The following FMN1 variants were observed in gnomAD, a reference collection of about 807,000 sequenced individuals.
The protein encoded by FMN1 is formin-1.
FMN1 carries 110 observed loss-of-function variants against 132.4 expected under a neutral mutation model. The ratio of observed to expected loss-of-function variants is 0.83; its 90% CI spans 0.71 to 0.97. The LOEUF is 0.97. Among genes scored for constraint, FMN1 ranks in the 50% least tolerant of loss-of-function variants. The pLI, the probability that FMN1 is intolerant of heterozygous loss-of-function variation, is 0.00. For missense variants in FMN1, 1,792 were observed against 1,705.3 expected (o/e 1.05, Z -0.90); for synonymous variants, 722 against 651.7 (o/e 1.11, Z -1.64).
In FMN1 at chr15:33,114,848, ACT is replaced by A. The variant is rs531124853; in HGVS notation, c.1868-25876_1868-25875del. On this transcript the variant is annotated intron_variant, in intron 4 of 20. Transcript: ENST00000616417. ...TAAGATCTTTGACTTCTGGAAATTAACTTTTTTCCCCTCCCTTATTTTGCCTA... is the reference window on the plus strand; with the variant it reads ...TAAGATCTTTGACTTCTGGAAATTAATTTTTCCCCTCCCTTATTTTGCCTA... Among the ~76,000 whole-genome samples, 586 of 152,344 alleles carry A rather than the reference ACT, an allele frequency of 3.8e-3. 4 individuals carry two copies. The highest frequency in any genetic ancestry group is 0.013 in the African/African-American group (534 of 41,576).
intron 4 of FMN1, among the ~76,000 whole-genome samples, chr15:33,094,807 T>C (rs990087525): frequency 3.9e-5 from 6 of 152,216 alleles, no homozygotes; most frequent in Non-Finnish European, 7.3e-5. Flanking sequence ...AGGAAACTTA[T>C]GTGTGGCCAT....
intron 7 of FMN1, among the ~76,000 whole-genome samples, chr15:32,981,563 T>TTAC (rs1186893299): frequency 2.0e-4 from 29 of 147,214 alleles, no homozygotes; most frequent in African/African-American, 6.8e-4. Flanking sequence ...ATTATTATTA[T>TTAC]TACATTCTGT....
intron 6 of FMN1, among the ~76,000 whole-genome samples, chr15:33,052,589 C>G (rs1292474622): frequency 1.3e-5 from 2 of 152,188 alleles, no homozygotes; most frequent in African/African-American, 4.8e-5. Context: ...GAGTTAGCAT[C>G]AGACTCCAGG....
At position 32,817,182 on chromosome 15, in the gene FMN1, A is replaced by G. The variant is rs185283735; in HGVS notation, c.3929-12850T>C. Among the ~76,000 whole-genome samples the G allele has an allele frequency of 5.9e-5, 9 of 152,340 alleles. No homozygotes were observed. The East Asian group carries it at 1.7e-3, about 29-fold the overall frequency. Reference sequence around the variant, plus strand: ...CTGAAGCTCTCCCTCTAGAAAAATAATTGTTCAGATGTTTAGTCATAAAAA... The same window carrying G: ...CTGAAGCTCTCCCTCTAGAAAAATAGTTGTTCAGATGTTTAGTCATAAAAA... On this transcript the variant is annotated intron_variant, in intron 17 of 20. Transcript: ENST00000616417.
In FMN1 at chr15:32,938,215, T is replaced by C. The variant is rs76566864; in HGVS notation, c.3139-11954A>G. Among the ~76,000 whole-genome samples, 948 of 152,188 alleles carry C rather than the reference T, an allele frequency of 6.2e-3. 9 individuals are homozygous for C. The highest frequency in any genetic ancestry group is 0.022 in the African/African-American group (905 of 41,516). ...TCACATCATTTAAGTATTCCCCTACTAAAGGACAATTAGAAATCATCCAAA... is the reference window on the plus strand; with the variant it reads ...TCACATCATTTAAGTATTCCCCTACCAAAGGACAATTAGAAATCATCCAAA... On this transcript the variant is annotated intron_variant, in intron 9 of 20. Transcript: ENST00000616417.
At chr15:32,784,668 T>C (rs1471694992) in intron 19 of FMN1, among the ~76,000 whole-genome samples, 3 of 152,212 alleles carry the variant, frequency 2.0e-5, no homozygotes, top group South Asian at 2.1e-4. Flanking sequence ...TGCTTATTAC[T>C]TTCCAGGTAA....
At chr15:33,012,860 A>G in intron 6 of FMN1, 1 of 601,068 alleles carries the variant, frequency 1.7e-6, no homozygotes, top group Non-Finnish European at 3.2e-6. Context: ...GAATTTGGTA[A>G]TGATGGGAGC....
chr15:32,865,826 A>C (rs1289946684), intron 16 of FMN1, among the ~76,000 whole-genome samples: 1 of 145,882 alleles, frequency 6.9e-6, no homozygotes, highest in African/African-American at 2.7e-5. Flanking sequence ...ACAAGAGTGA[A>C]ACTCCACCTC....
intron 6 of FMN1, among the ~76,000 whole-genome samples, chr15:33,028,581 G>C (rs2035790527): frequency 6.6e-6 from 1 of 151,962 alleles, no homozygotes; most frequent in Non-Finnish European, 1.5e-5. Flanking sequence ...GATACTTTTG[G>C]AAATCCCACT....
At chr15:33,142,186 A>G (rs549857880) in intron 4 of FMN1, among the ~76,000 whole-genome samples, 4 of 152,286 alleles carry the variant, frequency 2.6e-5, no homozygotes, top group African/African-American at 9.6e-5. Flanking sequence ...CTTGATATGA[A>G]TATCTATTTC....
intron 17 of FMN1, among the ~76,000 whole-genome samples, chr15:32,812,004 T>A (rs2057897708): frequency 7.2e-6 from 1 of 138,396 alleles, no homozygotes; most frequent in South Asian, 2.4e-4. Context: ...ATTGGAGTAT[T>A]TTATGGACAC....
At chr15:33,040,235 G>A (rs1486116661) in intron 6 of FMN1, among the ~76,000 whole-genome samples, 8 of 152,112 alleles carry the variant, frequency 5.3e-5, no homozygotes, top group African/African-American at 9.7e-5. Context: ...AGTCAGCTCC[G>A]GAAGCCTGTC....
chr15:32,798,178 G>GAACACACACACACACACACACA (rs1555457387), intron 19 of FMN1, among the ~76,000 whole-genome samples: 2 of 147,100 alleles, frequency 1.4e-5, no homozygotes, highest in African/African-American at 5.1e-5. Context: ...TAAGGAAAAC[G>GAACACACACACACACACACACA]CACACACACA....
At position 32,928,531 on chromosome 15, in the gene FMN1, C is replaced by T. The variant is rs72719327; in HGVS notation, c.3139-2270G>A. On this transcript the variant is annotated intron_variant, in intron 9 of 20. Coordinates refer to ENST00000616417, the MANE Select transcript of FMN1 (RefSeq NM_001277313.2). ...GGCATTGCTTTGTATTCTGGGGATG[C>T]GGAGGTGACTGAGACAGATCAAGTC... Among the ~76,000 whole-genome samples the T allele has an allele frequency of 6.9e-3, 1,044 of 152,178 alleles. 6 individuals carry two copies. The highest frequency in any genetic ancestry group is 0.017 in the Middle Eastern group (5 of 294).
At chr15:32,867,509 G>GT (rs35209952) in intron 16 of FMN1, among the ~76,000 whole-genome samples, 17,715 of 147,132 alleles carry the variant, frequency 0.12, 1,077 homozygotes, top group South Asian at 0.17. Context: ...GTCTCATCAG[G>GT]TTTTTTTTTT....
intron 17 of FMN1, among the ~76,000 whole-genome samples, chr15:32,833,133 A>G (rs1392515226): frequency 6.6e-6 from 1 of 152,082 alleles, no homozygotes; most frequent in Non-Finnish European, 1.5e-5. Flanking sequence ...CTAGCTTTCT[A>G]ATTTCTTCTT....
chr15:33,109,178 A>T (rs1322413425), intron 4 of FMN1, among the ~76,000 whole-genome samples: 1 of 152,142 alleles, frequency 6.6e-6, no homozygotes, highest in Non-Finnish European at 1.5e-5. Flanking sequence ...AACAAACTAA[A>T]ATATTTTATT....
chr15:33,033,373 T>C (rs1349102873), intron 6 of FMN1, among the ~76,000 whole-genome samples: 2 of 152,176 alleles, frequency 1.3e-5, no homozygotes, highest in Non-Finnish European at 2.9e-5. Context: ...ACTTCACTGA[T>C]GAAACTGAAG....
chr15:33,114,855 T>C (rs1295992801), intron 4 of FMN1, among the ~76,000 whole-genome samples: 3 of 152,178 alleles, frequency 2.0e-5, no homozygotes, highest in Admixed American at 6.6e-5. Flanking sequence ...TTAACTTTTT[T>C]CCCCTCCCTT....
Sources: allele counts gnomAD v4.1 joint callset (sites outside exome capture counted in the v4.1 genomes callset), GRCh38; gene constraint gnomAD v4.1.1; transcripts MANE v1.5; gene names NCBI Gene and HGNC (gene_info 2026-07-23, HGNC 2026-07-21).